DYNC1H1: variants seen among roughly 807,000 people sequenced by gnomAD.
The protein encoded by DYNC1H1 is dynein cytoplasmic 1 heavy chain 1.
A neutral mutation model predicts 527.1 loss-of-function variants in DYNC1H1; 51 were observed. The ratio of observed to expected loss-of-function variants is 0.10; its 90% confidence interval spans 0.08 to 0.12. DYNC1H1 has a LOEUF of 0.12. Among genes scored for constraint, DYNC1H1 ranks in the 10% least tolerant of loss-of-function variants. The pLI, the probability that DYNC1H1 is intolerant of heterozygous loss-of-function variation, is 1.00. For synonymous variants in DYNC1H1, 2,189 were observed against 2,278.8 expected (o/e 0.96, Z 1.12); for missense variants, 2,771 against 5,971.8 (o/e 0.46, Z 17.66).
intron 11 of DYNC1H1, 136 bp downstream of exon 11, chr14:101,991,809 AG>A (rs2048001764): frequency 1.5e-6 from 2 of 1,318,526 alleles, no homozygotes; most frequent in Non-Finnish European, 2.1e-6. Context: ...GGGGAAAGTT[AG>A]GGAGGCTTTT....
rs753442936 is a variant in DYNC1H1 at position 102,039,566 on chromosome 14, C to T, written c.11595+20C>T. 54 of 1,614,106 alleles carry T rather than the reference C, an allele frequency of 3.3e-5. No homozygotes were observed. The East Asian group carries it at 8.0e-4, about 24-fold the overall frequency. ...TTCCAGGTAGAGTGAGGTCCTCAGC[C>T]GCTCCCTGGCGGGGGGGAAGCAGGG... On this transcript the variant is annotated intron_variant, in intron 61 of 77. Transcript: ENST00000360184. This position sits in a 1 kb window ranked among gnomAD's most constrained non-coding sequence, Gnocchi z 7.0.
chr14:102,002,663 A>G lies in DYNC1H1; in HGVS notation c.4669A>G (p.Ile1557Val). Residue 1557 changes from isoleucine (I) to valine (V), a missense_variant, in exon 22 of 78, where the codon ATC (isoleucine) becomes GTC (valine). Ile to Val is a conservative substitution (Grantham distance 29, BLOSUM62 3). Transcript: ENST00000360184. This position sits in a 1 kb window ranked among gnomAD's most constrained non-coding sequence, Gnocchi z 4.4. ...LEGIFTGSAD[I>V]KHLLPVETQR... is the part of the protein sequence containing the mutation. ...AGGTATCTTCACAGGCAGTGCAGAT[A>G]TCAAGCACCTGCTGCCAGTGGAAAC... 1 of 1,614,240 alleles carries G rather than the reference A, an allele frequency of 6.2e-7. No individual in the cohort carries two copies. The highest frequency in any genetic ancestry group is 8.5e-7 in the Non-Finnish European group (1 of 1,180,050).
rs974638601 is a variant in DYNC1H1, at chr14:102,018,984, G to T, written c.8343+368G>T. Among the ~76,000 whole-genome samples the T allele has an allele frequency of 2.0e-5, 3 of 152,120 alleles. No individual in the cohort carries two copies. The highest frequency in any genetic ancestry group is 7.2e-5 in the African/African-American group (3 of 41,408). On this transcript the variant is annotated intron_variant, in intron 41 of 77. Coordinates refer to ENST00000360184, the MANE Select transcript of DYNC1H1 (RefSeq NM_001376.5). This position sits in a 1 kb window ranked among gnomAD's most constrained non-coding sequence, Gnocchi z 5.2. ...GAGAAGTTTATTGAAATAAAGATTG[G>T]ACTTTATTCAGAGATGTTATTGAGC...
intron 57 of DYNC1H1, chr14:102,037,345 A>G (rs1335530183): frequency 6.7e-6 from 1 of 149,240 alleles, no homozygotes. Flanking sequence ...AATTGCTTGA[A>G]CCTGGGAGGC....
chr14:102,023,275 G>C, intron 43 of DYNC1H1: 1 of 350,658 alleles, frequency 2.9e-6, no homozygotes, highest in Non-Finnish European at 5.6e-6. Context: ...TATCAGCCGG[G>C]CGCGGTGGCT....
At chr14:102,004,046 C>G (rs539286899) in intron 23 of DYNC1H1, among the ~76,000 whole-genome samples, 1 of 152,002 alleles carries the variant, frequency 6.6e-6, no homozygotes, top group South Asian at 2.1e-4. Context: ...TCGAGACCAT[C>G]CTGGCTAACA....
At chr14:102,032,552 A>C in intron 52 of DYNC1H1, 85 bp downstream of exon 52, 1 of 1,560,534 alleles carries the variant, frequency 6.4e-7, no homozygotes, top group Non-Finnish European at 8.8e-7. Context: ...CTCCAATCCC[A>C]GAACTTTCGG....
In DYNC1H1 at chr14:101,996,791, T is replaced by A. The variant is rs190115694; in HGVS notation, c.3565-244T>A. On this transcript the variant is annotated intron_variant, in intron 15 of 77. Coordinates refer to ENST00000360184, the MANE Select transcript of DYNC1H1 (RefSeq NM_001376.5). ...TACATGCCACCATGCCTGGCTAATT[T>A]TTTTCTTTTTAAGTAGAGATGAAGT... Among the ~76,000 whole-genome samples the A allele has an allele frequency of 4.9e-4, 74 of 152,122 alleles. 1 individual carries two copies. Among genetic ancestry groups the A allele is most frequent in the African/African-American group, 1.7e-3 (72 of 41,488 alleles).
rs2048271101 is a variant in DYNC1H1, at chr14:102,012,642, C to T, written c.7014+172C>T. On this transcript the variant is annotated intron_variant, in intron 34 of 77. Coordinates refer to ENST00000360184, the MANE Select transcript of DYNC1H1 (RefSeq NM_001376.5). This position sits in a 1 kb window ranked among gnomAD's most constrained non-coding sequence, Gnocchi z 4.9. ...CAACTGCTAGATTTTTTTTCCATTT[C>T]CATGGCTAGTGAGAAACATTTTAAT... 5 of 862,510 alleles carry T rather than the reference C, an allele frequency of 5.8e-6. No homozygotes were observed. In the South Asian group the frequency reaches 7.3e-5, roughly 13 times the overall value. The allele number at this position is 862,510 out of a possible 1,614,324, so 53.4% of individuals were successfully genotyped here.
chr14:101,968,642 A>G (rs1441450425), intron 1 of DYNC1H1, among the ~76,000 whole-genome samples: 2 of 152,046 alleles, frequency 1.3e-5, no homozygotes, highest in African/African-American at 4.8e-5. Flanking sequence ...TGCTCACCGC[A>G]TCCTCAACCT....
chr14:101,996,989 C>A (rs1366685535), intron 15 of DYNC1H1, 46 bp from the exon 16 acceptor site: 2 of 1,580,932 alleles, frequency 1.3e-6, no homozygotes, highest in East Asian at 4.7e-5. Context: ...TAATTTCTAT[C>A]ATTGTTATAG....
intron 27 of DYNC1H1, among the ~76,000 whole-genome samples, 185 bp from the exon 28 acceptor site, chr14:102,006,823 C>A (rs2048202380): frequency 6.6e-6 from 1 of 151,986 alleles, no homozygotes; most frequent in Admixed American, 6.6e-5. Flanking sequence ...TGGTCTCGAA[C>A]TCCTGACCTC....
Position 102,010,715 on chromosome 14 carries a change from T to G in DYNC1H1, c.6406-25T>G. The G allele has an allele frequency of 6.2e-7, 1 of 1,610,986 alleles. No individual in the cohort carries two copies. On this transcript the variant is annotated intron_variant, in intron 31 of 77. Transcript: ENST00000360184. This position sits in a 1 kb window ranked among gnomAD's most constrained non-coding sequence, Gnocchi z 6.0. ...CAGTACTTGAGCCATGCTGCGCTGC[T>G]CACAGCCCAGCCCTCTCCCCGTAGA...
At position 102,005,035 on chromosome 14, in the gene DYNC1H1, C is replaced by T; in HGVS notation, c.5239-7C>T. 1 of 1,614,162 alleles carries T rather than the reference C, an allele frequency of 6.2e-7. No individual in the cohort carries two copies. Among genetic ancestry groups the T allele is most frequent in the Non-Finnish European group, 8.5e-7 (1 of 1,180,044 alleles). Reference sequence around the variant, plus strand: ...ATCCTTTGGGATCTTGTTTCTGTGTCTTTCAGGCCCAGCTTGTGGTTTTGT... The same window carrying T: ...ATCCTTTGGGATCTTGTTTCTGTGTTTTTCAGGCCCAGCTTGTGGTTTTGT... On this transcript the variant is annotated splice_region_variant and splice_polypyrimidine_tract_variant and intron_variant, in intron 25 of 77. Coordinates refer to ENST00000360184, the MANE Select transcript of DYNC1H1 (RefSeq NM_001376.5). The surrounding 1 kb of genome is among the most constrained non-coding windows in gnomAD (Gnocchi z 4.0).
chr14:102,016,711 T>A lies in DYNC1H1; in HGVS notation c.7615-55T>A. The A allele has an allele frequency of 2.5e-6, 4 of 1,586,976 alleles. No homozygotes were observed. Among genetic ancestry groups the A allele is most frequent in the Non-Finnish European group, 3.4e-6 (4 of 1,165,622 alleles). On this transcript the variant is annotated intron_variant, in intron 37 of 77. Coordinates refer to ENST00000360184, the MANE Select transcript of DYNC1H1 (RefSeq NM_001376.5). This position sits in a 1 kb window ranked among gnomAD's most constrained non-coding sequence, Gnocchi z 7.3. ...AAGTTTGTGTTCAGGTAAACAAACC[T>A]CGTGAGGAGGCACCTTGGTTGCAGC...
intron 4 of DYNC1H1, 118 bp from the exon 5 acceptor site, chr14:101,980,246 G>T: frequency 7.5e-7 from 1 of 1,331,784 alleles, no homozygotes. Flanking sequence ...TTGATTTACA[G>T]GGAAGGAAAT....
At position 102,051,589 on chromosome 14, in the gene DYNC1H1, T is replaced by C. The variant is rs556769413; in HGVS notation, c.*1026T>C. ...CACACGACCTTTCCAGTGGTGATGATGACAGTGGCCCATACAGCTGACTGT... is the reference window on the plus strand; with the variant it reads ...CACACGACCTTTCCAGTGGTGATGACGACAGTGGCCCATACAGCTGACTGT... On this transcript the variant is annotated 3_prime_UTR_variant, in exon 78 of 78. Transcript: ENST00000360184. 2.6e-5 allele frequency: 4 copies of C among 152,498 alleles called. No homozygotes were observed. In the South Asian group the frequency reaches 8.3e-4, roughly 32 times the overall value. 9.4% of individuals were successfully genotyped at this position (152,498 alleles called of 1,614,324 possible).
At position 101,980,346 on chromosome 14, in the gene DYNC1H1, GTTATT is replaced by G; in HGVS notation, c.775-10_775-6del. On this transcript the variant is annotated splice_polypyrimidine_tract_variant and intron_variant, in intron 4 of 77. Transcript: ENST00000360184. Reference sequence around the variant, plus strand: ...GTTTAAATAGTGAATACCCTTGGGTGTTATTTTATTTTCAAAGGTGACCAAACTGG... The same window carrying G: ...GTTTAAATAGTGAATACCCTTGGGTGTTATTTTCAAAGGTGACCAAACTGG... 1 of 1,613,556 alleles carries G rather than the reference GTTATT, an allele frequency of 6.2e-7. No individual in the cohort carries two copies. The highest frequency in any genetic ancestry group is 8.5e-7 in the Non-Finnish European group (1 of 1,179,812).
intron 1 of DYNC1H1, among the ~76,000 whole-genome samples, chr14:101,967,870 T>C (rs1437873068): frequency 1.3e-5 from 2 of 152,106 alleles, no homozygotes; most frequent in Non-Finnish European, 2.9e-5. Context: ...AGAATAAATG[T>C]TGTGAATTTA....
Sources: allele counts gnomAD v4.1 joint callset (sites outside exome capture counted in the v4.1 genomes callset), GRCh38; gene constraint gnomAD v4.1.1; non-coding constraint Gnocchi (gnomAD v3.1); transcripts MANE v1.5; gene names NCBI Gene and HGNC (gene_info 2026-07-23, HGNC 2026-07-21).